The following SPHKAP variants were observed in gnomAD, a reference collection of about 807,000 sequenced individuals.
The protein encoded by SPHKAP is A-kinase anchor protein SPHKAP.
A neutral mutation model predicts 137.5 loss-of-function variants in SPHKAP; 67 were observed. That is an observed-to-expected ratio of 0.49 (90% CI 0.40 to 0.60). The LOEUF is 0.60. SPHKAP is among the 20% of genes least tolerant of loss of function. SPHKAP has a pLI of 0.00. For synonymous variants in SPHKAP, 813 were observed against 785.3 expected (o/e 1.04, Z -0.59); for missense variants, 2,097 against 2,069.3 (o/e 1.01, Z -0.26).
In SPHKAP at chr2:227,990,950, G is replaced by C. The variant is rs774696384; in HGVS notation, c.4959+50C>G. On this transcript the variant is annotated intron_variant, in intron 11 of 11. Coordinates refer to ENST00000392056, the MANE Select transcript of SPHKAP (RefSeq NM_001142644.2). Reference sequence around the variant, plus strand: ...ACTGAGCATTTACTGAGTTTCCAGTGGTGATGAAAACACAAAGCTTTCTTG... The same window carrying C: ...ACTGAGCATTTACTGAGTTTCCAGTCGTGATGAAAACACAAAGCTTTCTTG... The C allele has an allele frequency of 4.5e-6, 7 of 1,571,748 alleles. No homozygotes were observed. The East Asian group carries it at 1.4e-4, about 30-fold the overall frequency.
At chr2:228,023,433 T>C (rs1383350504) in intron 5 of SPHKAP, among the ~76,000 whole-genome samples, 1 of 152,198 alleles carries the variant, frequency 6.6e-6, no homozygotes, top group Non-Finnish European at 1.5e-5. Flanking sequence ...AATGAATCTG[T>C]TGGAGATGTG....
chr2:227,996,717 T>C (rs1014509546), intron 7 of SPHKAP, among the ~76,000 whole-genome samples: 10 of 152,200 alleles, frequency 6.6e-5, no homozygotes, highest in Non-Finnish European at 1.2e-4. Flanking sequence ...CTTATTTCCA[T>C]TGACTTTTCT....
At chr2:228,075,628 T>A (rs750900950) in intron 3 of SPHKAP, among the ~76,000 whole-genome samples, 7 of 152,144 alleles carry the variant, frequency 4.6e-5, no homozygotes, top group Non-Finnish European at 8.8e-5. Context: ...GGAACCAGTA[T>A]CATTCTTGAA....
chr2:227,985,383 A>C lies in SPHKAP; in HGVS notation c.4960-3523T>G, dbSNP rs796482011. Among the ~76,000 whole-genome samples, 21 of 152,322 alleles carry C rather than the reference A, an allele frequency of 1.4e-4. 1 individual carries two copies. Among genetic ancestry groups the C allele is most frequent in the African/African-American group, 5.1e-4 (21 of 41,564 alleles). ...TTCCATTAAAAAAAGGTAAGAATGAAAAAAGATTGTGAAGAAGTCAGAAAA... is the reference window on the plus strand; with the variant it reads ...TTCCATTAAAAAAAGGTAAGAATGACAAAAGATTGTGAAGAAGTCAGAAAA... On this transcript the variant is annotated intron_variant, in intron 11 of 11. Coordinates refer to ENST00000392056, the MANE Select transcript of SPHKAP (RefSeq NM_001142644.2).
chr2:228,049,644 G>T (rs757938844), intron 3 of SPHKAP, among the ~76,000 whole-genome samples: 19 of 152,100 alleles, frequency 1.2e-4, no homozygotes, highest in Admixed American at 2.0e-4. Context: ...TGAGCCCTTG[G>T]ACTCCCACCT....
intron 7 of SPHKAP, 120 bp downstream of exon 7, chr2:228,016,286 T>A: frequency 7.1e-7 from 1 of 1,406,278 alleles, no homozygotes; most frequent in Non-Finnish European, 9.3e-7. Flanking sequence ...TTTTTTTTGG[T>A]CTTGAAAATT....
chr2:228,082,565 T>C (rs1697397326), intron 3 of SPHKAP, among the ~76,000 whole-genome samples: 1 of 152,214 alleles, frequency 6.6e-6, no homozygotes, highest in Non-Finnish European at 1.5e-5. Flanking sequence ...GTCACTTTTA[T>C]AATTAAGGGA....
rs544354161 is a variant in SPHKAP at position 228,079,966 on chromosome 2, T to C, written c.246+28866A>G. 1.2e-4 allele frequency among the ~76,000 whole-genome samples: 19 copies of C among 152,158 alleles called. No individual in the cohort carries two copies. In the East Asian group the frequency reaches 2.9e-3, roughly 23 times the overall value. On this transcript the variant is annotated intron_variant, in intron 3 of 11. Transcript: ENST00000392056. ...GAAATTAGACCCTTATCTCACACCA[T>C]AGACAAAACTAAACTCAAAATGGAT...
In SPHKAP at chr2:228,109,004, TCTC is replaced by T. The variant is rs1559177862; in HGVS notation, c.139-68_139-66del. ...CCTTTCTATCTAAACAGCAGCTCTCTCTCTTTTTTTTTTTTCTTATAAAAAAAC... is the reference window on the plus strand; with the variant it reads ...CCTTTCTATCTAAACAGCAGCTCTCTTTTTTTTTTTTTCTTATAAAAAAAC... On this transcript the variant is annotated intron_variant, in intron 2 of 11. Transcript: ENST00000392056. The T allele has an allele frequency of 5.3e-6, 5 of 939,536 alleles. No individual in the cohort carries two copies. The African/African-American group carries it at 9.3e-5, about 18-fold the overall frequency. The allele number at this position is 939,536 out of a possible 1,614,324, so 58.2% of individuals were successfully genotyped here. A position where few individuals can be genotyped will look rare whatever the true frequency, so the allele number is the denominator to read the frequency against.
chr2:228,124,757 G>T (rs1699021557), intron 2 of SPHKAP, among the ~76,000 whole-genome samples: 2 of 151,974 alleles, frequency 1.3e-5, no homozygotes, highest in African/African-American at 4.8e-5. Context: ...TAGAGATATG[G>T]ATCACACTGT....
intron 11 of SPHKAP, among the ~76,000 whole-genome samples, chr2:227,984,422 C>T (rs1210608846): frequency 6.6e-6 from 1 of 151,998 alleles, no homozygotes; most frequent in African/African-American, 2.4e-5. Flanking sequence ...TAGGAACAGA[C>T]TACAAACCCT....
intron 1 of SPHKAP, among the ~76,000 whole-genome samples, chr2:228,179,910 G>A (rs535506738): frequency 1.3e-5 from 2 of 152,274 alleles, no homozygotes; most frequent in South Asian, 4.1e-4. Flanking sequence ...CAATCAATCT[G>A]TTATCAAAAA....
At chr2:228,052,827 T>C (rs1026440166) in intron 3 of SPHKAP, among the ~76,000 whole-genome samples, 7 of 152,184 alleles carry the variant, frequency 4.6e-5, no homozygotes, top group Non-Finnish European at 1.0e-4. Context: ...TATACATTTA[T>C]ATTTAAGAAT....
chr2:228,001,552 T>C (rs1693898740), intron 7 of SPHKAP, among the ~76,000 whole-genome samples: 1 of 145,982 alleles, frequency 6.9e-6, no homozygotes, highest in African/African-American at 2.5e-5. Context: ...TATACATATA[T>C]ATAAAAATAT....
intron 7 of SPHKAP, among the ~76,000 whole-genome samples, chr2:228,012,529 A>G (rs1694428473): frequency 6.6e-6 from 1 of 152,088 alleles, no homozygotes; most frequent in East Asian, 1.9e-4. Flanking sequence ...TTGCTACCAC[A>G]TTATTTTTTA....
chr2:227,984,462 T>C (rs1305667143), intron 11 of SPHKAP, among the ~76,000 whole-genome samples: 2 of 152,062 alleles, frequency 1.3e-5, no homozygotes, highest in Non-Finnish European at 1.5e-5. Flanking sequence ...ATGAGGAAAA[T>C]ACTCTTGGGA....
chr2:228,047,428 T>C (rs988975623), intron 3 of SPHKAP, among the ~76,000 whole-genome samples: 1 of 149,040 alleles, frequency 6.7e-6, no homozygotes, highest in African/African-American at 2.5e-5. Context: ...ATTGCACCAT[T>C]GCACTCCAGC....
In SPHKAP at chr2:228,057,768, G is replaced by A. The variant is rs190326885; in HGVS notation, c.247-30225C>T. ...GAATGGTGGATATTGAGGCCAGTGG[G>A]ATGAACAGGTTTCAGATTTTGCTGG... On this transcript the variant is annotated intron_variant, in intron 3 of 11. Transcript: ENST00000392056. Among the ~76,000 whole-genome samples the A allele has an allele frequency of 5.1e-3, 772 of 152,272 alleles. 5 individuals carry two copies. Among genetic ancestry groups the A allele is most frequent in the Admixed American group, 6.5e-3 (99 of 15,294 alleles).
chr2:228,155,375 C>T (rs1230249608), intron 1 of SPHKAP, among the ~76,000 whole-genome samples: 2 of 152,076 alleles, frequency 1.3e-5, no homozygotes, highest in Admixed American at 6.6e-5. Flanking sequence ...TAATGGCAAC[C>T]TGAAGCATTA....
Sources: gnomAD v4.1 joint callset for allele counts (sites outside exome capture counted in the v4.1 genomes callset) on GRCh38, gnomAD v4.1.1 for gene constraint, MANE v1.5 for transcripts, NCBI Gene and HGNC (gene_info 2026-07-23, HGNC 2026-07-21) for gene names.